Variants in ITFG1 observed in about 807,000 individuals in gnomAD.
The protein encoded by ITFG1 is T-cell immunomodulatory protein.
ITFG1 carries 34 observed loss-of-function variants against 81.8 expected under a neutral mutation model. The observed-to-expected ratio is 0.42, with a 90% CI of 0.32 to 0.55. The LOEUF is 0.55. ITFG1 is among the 20% of genes least tolerant of loss of function. ITFG1 has a pLI of 0.17. For synonymous variants in ITFG1, 285 were observed against 270.6 expected (o/e 1.05, Z -0.52); for missense variants, 672 against 755.4 (o/e 0.89, Z 1.29).
At chr16:47,168,115 C>A (rs1219829262) in intron 14 of ITFG1, among the ~76,000 whole-genome samples, 1 of 152,150 alleles carries the variant, frequency 6.6e-6, no homozygotes, top group East Asian at 1.9e-4. Flanking sequence ...TAAATTAAAA[C>A]CATCTTAGTG....
intron 3 of ITFG1, among the ~76,000 whole-genome samples, chr16:47,453,412 G>A (rs1969413336): frequency 6.6e-6 from 1 of 152,148 alleles, no homozygotes; most frequent in Non-Finnish European, 1.5e-5. Context: ...CCTGTGCTAA[G>A]GAGACTAGAA....
chr16:47,426,503 G>T (rs1418722521), intron 6 of ITFG1, among the ~76,000 whole-genome samples: 1 of 147,548 alleles, frequency 6.8e-6, no homozygotes, highest in Admixed American at 6.9e-5. Flanking sequence ...TTATTATTGA[G>T]GTTTTCATGT....
chr16:47,447,584 G>A (rs1206762480), intron 5 of ITFG1, among the ~76,000 whole-genome samples: 3 of 152,100 alleles, frequency 2.0e-5, no homozygotes, highest in African/African-American at 4.8e-5. Context: ...AGGCTGAAGT[G>A]CAGTGGTGTG....
At chr16:47,207,113 C>G (rs545810311) in intron 14 of ITFG1, among the ~76,000 whole-genome samples, 3 of 152,072 alleles carry the variant, frequency 2.0e-5, no homozygotes, top group Non-Finnish European at 4.4e-5. Context: ...GACGGAGTCT[C>G]GCTCTGTCGC....
chr16:47,440,067 C>A (rs548112828), intron 5 of ITFG1, among the ~76,000 whole-genome samples: 3 of 152,046 alleles, frequency 2.0e-5, no homozygotes, highest in South Asian at 4.2e-4. Flanking sequence ...TTTAAACCAA[C>A]AAAGATCAAA....
At chr16:47,286,999 T>C (rs1055560267) in intron 10 of ITFG1, among the ~76,000 whole-genome samples, 1 of 152,202 alleles carries the variant, frequency 6.6e-6, no homozygotes, top group Non-Finnish European at 1.5e-5. Flanking sequence ...AATGTTAAGA[T>C]AATAAATTTG....
At chr16:47,441,694 C>T (rs1165481578) in intron 5 of ITFG1, among the ~76,000 whole-genome samples, 1 of 152,072 alleles carries the variant, frequency 6.6e-6, no homozygotes, top group Non-Finnish European at 1.5e-5. Context: ...ATAATAAGAG[C>T]TATCTATGAC....
intron 14 of ITFG1, among the ~76,000 whole-genome samples, chr16:47,214,148 T>G (rs1243041332): frequency 3.3e-5 from 5 of 152,214 alleles, no homozygotes; most frequent in African/African-American, 4.8e-5. Flanking sequence ...GGTAAAACCC[T>G]ACATATCTGG....
At chr16:47,395,864 T>C (rs746252995) in intron 6 of ITFG1, among the ~76,000 whole-genome samples, 1 of 152,250 alleles carries the variant, frequency 6.6e-6, no homozygotes, top group African/African-American at 2.4e-5. Flanking sequence ...TATTGCCTCA[T>C]GTCTATCGTC....
intron 14 of ITFG1, among the ~76,000 whole-genome samples, chr16:47,203,755 C>T (rs763595839): frequency 1.1e-4 from 16 of 152,174 alleles, no homozygotes; most frequent in Non-Finnish European, 1.8e-4. Flanking sequence ...CTATGTGGCC[C>T]GGTTCCTAAC....
At chr16:47,215,491 C>A (rs1965614725) in intron 14 of ITFG1, among the ~76,000 whole-genome samples, 1 of 152,012 alleles carries the variant, frequency 6.6e-6, no homozygotes, top group Non-Finnish European at 1.5e-5. Flanking sequence ...TATATAAAAT[C>A]CAAAAACCAA....
At chr16:47,450,390 AC>A (rs1437124900) in intron 5 of ITFG1, 1 of 362,022 alleles carries the variant, frequency 2.8e-6, no homozygotes, top group East Asian at 9.9e-5. Context: ...CCAAGCACTA[AC>A]CAGGTCTGAC....
At chr16:47,216,140 T>C (rs8061242) in intron 14 of ITFG1, among the ~76,000 whole-genome samples, 1 of 152,130 alleles carries the variant, frequency 6.6e-6, no homozygotes, top group Non-Finnish European at 1.5e-5. Context: ...TCAATACTAG[T>C]TGCCAATGTC....
intron 5 of ITFG1, among the ~76,000 whole-genome samples, chr16:47,437,001 T>G (rs781473808): frequency 5.9e-5 from 9 of 152,238 alleles, no homozygotes; most frequent in African/African-American, 2.2e-4. Context: ...AATAAAGGGT[T>G]TGAGAAATCT....
intron 14 of ITFG1, among the ~76,000 whole-genome samples, chr16:47,192,913 G>T (rs1033376343): frequency 9.2e-5 from 14 of 152,142 alleles, no homozygotes; most frequent in African/African-American, 3.4e-4. Context: ...CTCATTCTCA[G>T]TCTCTAGCAA....
intron 8 of ITFG1, among the ~76,000 whole-genome samples, chr16:47,315,605 T>TA (rs1341138569): frequency 6.6e-6 from 1 of 152,146 alleles, no homozygotes; most frequent in African/African-American, 2.4e-5. Context: ...AATTGGCTGG[T>TA]ATTTTTTCAA....
chr16:47,293,101 CATATGAT>C (rs1292207638), intron 10 of ITFG1, among the ~76,000 whole-genome samples: 2 of 143,456 alleles, frequency 1.4e-5, no homozygotes, highest in Non-Finnish European at 3.0e-5. Flanking sequence ...TATGTATATA[CATATGAT>C]ATATATCATA....
chr16:47,265,925 A>G (rs1966270010), intron 10 of ITFG1, among the ~76,000 whole-genome samples: 1 of 152,180 alleles, frequency 6.6e-6, no homozygotes, highest in Non-Finnish European at 1.5e-5. Flanking sequence ...GGAAGGCAAA[A>G]AGACAACCCA....
intron 13 of ITFG1, among the ~76,000 whole-genome samples, chr16:47,219,970 T>G (rs1174641834): frequency 6.6e-6 from 1 of 152,246 alleles, no homozygotes; most frequent in Admixed American, 6.5e-5. Flanking sequence ...AAGATGAATA[T>G]TACGCTTTGT....
Sources: gnomAD v4.1 joint callset for allele counts (sites outside exome capture counted in the v4.1 genomes callset) on GRCh38, gnomAD v4.1.1 for gene constraint, MANE v1.5 for transcripts, NCBI Gene and HGNC (gene_info 2026-07-23, HGNC 2026-07-21) for gene names.